The following SAMD5 variants were observed in gnomAD, a reference collection of about 807,000 sequenced individuals.
SAMD5 encodes the protein sterile alpha motif domain containing 5.
A neutral mutation model predicts 11.3 loss-of-function variants in SAMD5; 13 were observed. The ratio of observed to expected loss-of-function variants is 1.15; its 90% CI spans 0.75 to 1.83. The LOEUF (loss-of-function observed/expected upper bound fraction) is 1.83. SAMD5 is among the 40% of genes most tolerant of loss of function. The pLI is 0.00. For synonymous variants in SAMD5, 129 were observed against 111.3 expected (o/e 1.16, Z -1.00); for missense variants, 255 against 239.1 (o/e 1.07, Z -0.44).
rs112470500 is a variant in SAMD5, at chr6:147,560,318, A to T, written c.460-4076A>T. ...GTTGAGTTATGTCATGAGGTCAAAA[A>T]ATCTTGTGTCTTGTCACCAACCACC... On this transcript the variant is annotated intron_variant, in intron 1 of 1. Coordinates refer to ENST00000367474, the MANE Select transcript of SAMD5 (RefSeq NM_001030060.3). 4.2e-3 allele frequency among the ~76,000 whole-genome samples: 635 copies of T among 152,268 alleles called. 5 individuals are homozygous for T. The highest frequency in any genetic ancestry group is 0.014 in the African/African-American group (598 of 41,548).
intron 1 of SAMD5, among the ~76,000 whole-genome samples, chr6:147,722,559 T>G (rs1447171210): frequency 6.6e-6 from 1 of 152,238 alleles, no homozygotes; most frequent in Non-Finnish European, 1.5e-5. Flanking sequence ...AAATGATTGT[T>G]CATTTCCCTA....
At chr6:147,598,601 G>A (rs1789570759) in intron 1 of SAMD5, among the ~76,000 whole-genome samples, 1 of 152,144 alleles carries the variant, frequency 6.6e-6, no homozygotes. Context: ...GACTTCACAG[G>A]TAGCCATGAG....
At chr6:147,708,140 T>C (rs1451421385) in intron 1 of SAMD5, among the ~76,000 whole-genome samples, 1 of 152,174 alleles carries the variant, frequency 6.6e-6, no homozygotes, top group African/African-American at 2.4e-5. Context: ...TTTGCAGATA[T>C]GGTCTTTATG....
At chr6:147,839,102 C>G in the SAMD5 span, among the ~76,000 whole-genome samples, 1 of 152,196 alleles carries the variant, frequency 6.6e-6, no homozygotes. Context: ...TGACTTCCAC[C>G]TATGAACCCT....
chr6:147,767,652 C>A, the SAMD5 span, among the ~76,000 whole-genome samples: 1 of 152,116 alleles, frequency 6.6e-6, no homozygotes, highest in Non-Finnish European at 1.5e-5. Flanking sequence ...AGAAGGTGAC[C>A]ATCTGCAAGC....
rs1208061646 is a variant in SAMD5, at chr6:147,509,079, C to A, written c.151C>A (p.His51Asn). The change falls in exon 1 of 2, where the codon CAC becomes AAC. Residue 51 changes from histidine to asparagine, a missense_variant. Physicochemically the swap from His to Asn is moderately conservative, Grantham distance 68. Transcript: ENST00000367474. Reference sequence around the variant, plus strand: ...TGCCATCGGGGTGCTGGCGCCCGCGCACCGCCGCCGTATCCTGGAGGCCGT... The same window carrying A: ...TGCCATCGGGGTGCTGGCGCCCGCGAACCGCCGCCGTATCCTGGAGGCCGT... Reference protein sequence around the residue: ...LDAIGVLAPAHRRRILEAVRR... With the variant: ...LDAIGVLAPANRRRILEAVRR... 1.3e-6 allele frequency: 2 copies of A among 1,598,686 alleles called. No individual in the cohort carries two copies. Among genetic ancestry groups the A allele is most frequent in the African/African-American group, 2.7e-5 (2 of 74,330 alleles).
intron 1 of SAMD5, among the ~76,000 whole-genome samples, chr6:147,675,188 A>G (rs1321436426): frequency 6.6e-6 from 1 of 152,256 alleles, no homozygotes; most frequent in East Asian, 1.9e-4. Context: ...GAGTAACAGG[A>G]GAATCATGCA....
At chr6:147,953,095 C>T in the SAMD5 span, among the ~76,000 whole-genome samples, 4 of 152,084 alleles carry the variant, frequency 2.6e-5, no homozygotes, top group Non-Finnish European at 4.4e-5. Flanking sequence ...CAGTTGATGT[C>T]AGTAATACTA....
chr6:147,670,146 A>G (rs1790776086), intron 1 of SAMD5, among the ~76,000 whole-genome samples: 1 of 152,200 alleles, frequency 6.6e-6, no homozygotes, highest in South Asian at 2.1e-4. Flanking sequence ...TGCATTGTCA[A>G]TGAGTGGTAA....
intron 1 of SAMD5, among the ~76,000 whole-genome samples, chr6:147,664,705 T>C (rs2128454788): frequency 6.6e-6 from 1 of 152,284 alleles, no homozygotes; most frequent in East Asian, 1.9e-4. Flanking sequence ...AAATTGGATA[T>C]TTGCAGAATT....
the SAMD5 span, among the ~76,000 whole-genome samples, chr6:147,887,591 G>T: frequency 0.042 from 6,368 of 152,128 alleles, 440 homozygotes; most frequent in African/African-American, 0.15. Context: ...ATGGACATTT[G>T]GGTTGATTCC....
At chr6:147,769,272 TC>T in the SAMD5 span, among the ~76,000 whole-genome samples, 1 of 152,254 alleles carries the variant, frequency 6.6e-6, no homozygotes, top group African/African-American at 2.4e-5. Context: ...AATCAAGTGC[TC>T]CCCAGCTGCT....
chr6:147,517,478 A>G (rs959182700), intron 1 of SAMD5, among the ~76,000 whole-genome samples: 5 of 125,744 alleles, frequency 4.0e-5, no homozygotes, highest in African/African-American at 1.8e-4. Context: ...CCCAGATCTT[A>G]TTCCTAATGA....
At chr6:147,892,548 T>C in the SAMD5 span, among the ~76,000 whole-genome samples, 1 of 152,248 alleles carries the variant, frequency 6.6e-6, no homozygotes, top group Non-Finnish European at 1.5e-5. Flanking sequence ...ACATCTCTAC[T>C]TCTGCTGCCC....
At chr6:147,663,805 AAAAAAAAGAG>A (rs1790679071) in intron 1 of SAMD5, among the ~76,000 whole-genome samples, 1 of 140,186 alleles carries the variant, frequency 7.1e-6, no homozygotes, top group Non-Finnish European at 1.6e-5. Context: ...AAAAAAAAAA[AAAAAAAAGAG>A]AGAGAAAGAA....
the SAMD5 span, among the ~76,000 whole-genome samples, chr6:147,870,482 G>GTATATATATATA: frequency 7.4e-6 from 1 of 135,258 alleles, no homozygotes; most frequent in African/African-American, 2.9e-5. Context: ...GTGTGTGTGT[G>GTATATATATATA]TATATATATA....
the SAMD5 span, among the ~76,000 whole-genome samples, chr6:147,759,136 T>C: frequency 6.0e-3 from 918 of 152,292 alleles, 5 homozygotes; most frequent in Middle Eastern, 0.037. Flanking sequence ...TATGGTGAAA[T>C]GTATGTACAC....
intron 1 of SAMD5, among the ~76,000 whole-genome samples, chr6:147,689,424 A>G (rs1791067568): frequency 6.6e-6 from 1 of 152,210 alleles, no homozygotes. Flanking sequence ...CTCTCTGAGT[A>G]TCATTATCCT....
chr6:147,861,197 C>T, the SAMD5 span, among the ~76,000 whole-genome samples: 3 of 151,566 alleles, frequency 2.0e-5, no homozygotes, highest in Admixed American at 6.6e-5. Context: ...CAGAGTCTCA[C>T]TCTGTCACTC....
Sources: allele counts gnomAD v4.1 joint callset (sites outside exome capture counted in the v4.1 genomes callset), GRCh38; gene constraint gnomAD v4.1.1; transcripts MANE v1.5; gene names NCBI Gene and HGNC (gene_info 2026-07-23, HGNC 2026-07-21).